Variants in ASIC2 observed in about 807,000 individuals in gnomAD.
The protein encoded by ASIC2 is acid-sensing ion channel 2.
In ASIC2, 25 loss-of-function variants were observed where a neutral mutation model predicts 57.3. The observed-to-expected ratio is 0.44, with a 90% CI of 0.32 to 0.61. The LOEUF is 0.61. ASIC2 is among the 20% of genes least tolerant of loss of function. ASIC2 has a pLI of 0.06. For missense variants in ASIC2, 641 were observed against 738.1 expected (o/e 0.87, Z 1.52); for synonymous variants, 319 against 307.5 (o/e 1.04, Z -0.39).
At chr17:33,969,447 A>T (rs2141997190) in intron 1 of ASIC2, among the ~76,000 whole-genome samples, 1 of 152,300 alleles carries the variant, frequency 6.6e-6, no homozygotes, top group Admixed American at 6.5e-5. Context: ...GGGCTGTCTC[A>T]CAAGCAGGCT....
chr17:33,527,132 C>T (rs925159327), intron 1 of ASIC2, among the ~76,000 whole-genome samples: 7 of 152,210 alleles, frequency 4.6e-5, no homozygotes, highest in African/African-American at 1.7e-4. Flanking sequence ...CATGTGGATG[C>T]CTGGTGCAGG....
rs938183932 is a variant in ASIC2, at chr17:33,244,449, A to C, written c.708+46959T>G. On this transcript the variant is annotated intron_variant, in intron 1 of 9. Coordinates refer to ENST00000225823, the MANE Select transcript of ASIC2 (RefSeq NM_183377.2). ...ACTGTTTACGTGAGCCAACACATAA[A>C]ATGCTTAGCAAAGTGCCTAGAATAA... Among the ~76,000 whole-genome samples, 3 of 152,204 alleles carry C rather than the reference A, an allele frequency of 2.0e-5. No individual in the cohort carries two copies. The East Asian group carries it at 5.8e-4, about 29-fold the overall frequency.
At chr17:33,669,940 G>A (rs1297653685) in intron 1 of ASIC2, among the ~76,000 whole-genome samples, 2 of 152,218 alleles carry the variant, frequency 1.3e-5, no homozygotes, top group Non-Finnish European at 2.9e-5. Flanking sequence ...GAAAAAGGGA[G>A]AGGCTGAAAA....
chr17:33,812,153 GCTT>G (rs903026132), intron 1 of ASIC2, among the ~76,000 whole-genome samples: 1 of 151,992 alleles, frequency 6.6e-6, no homozygotes, highest in Admixed American at 6.6e-5. Context: ...AGTATCTAGT[GCTT>G]CTTCTGCCTC....
At chr17:33,423,366 C>T (rs8075266) in intron 1 of ASIC2, among the ~76,000 whole-genome samples, 53,533 of 151,902 alleles carry the variant, frequency 0.35, 10,071 homozygotes, top group East Asian at 0.75. Flanking sequence ...GAACTACAGG[C>T]TGTGATTAAT....
chr17:33,737,630 G>T (rs1322497951), intron 1 of ASIC2, among the ~76,000 whole-genome samples: 1 of 152,322 alleles, frequency 6.6e-6, no homozygotes, highest in African/African-American at 2.4e-5. Flanking sequence ...GGGTTGTGAG[G>T]ATTAAGAGAG....
intron 1 of ASIC2, among the ~76,000 whole-genome samples, chr17:33,139,792 CA>C (rs532131429): frequency 1.5e-4 from 23 of 152,284 alleles, no homozygotes; most frequent in Non-Finnish European, 3.1e-4. Flanking sequence ...CCCGGAGAGA[CA>C]AGATTGCAAG....
At chr17:33,048,983 G>C (rs1025456285) in intron 3 of ASIC2, among the ~76,000 whole-genome samples, 10 of 152,228 alleles carry the variant, frequency 6.6e-5, no homozygotes, top group Non-Finnish European at 1.3e-4. Context: ...AGTGACATCA[G>C]TGTCCACACA....
At chr17:33,699,272 C>T (rs906863055) in intron 1 of ASIC2, among the ~76,000 whole-genome samples, 2 of 152,180 alleles carry the variant, frequency 1.3e-5, no homozygotes, top group Admixed American at 6.5e-5. Context: ...CCCAGAATCA[C>T]GTGGCCCATC....
At chr17:33,839,227 G>T (rs1913356880) in intron 1 of ASIC2, among the ~76,000 whole-genome samples, 1 of 152,146 alleles carries the variant, frequency 6.6e-6, no homozygotes. Context: ...TGCTCCAGAA[G>T]CAATCAAGAC....
chr17:33,984,658 C>T (rs1284088051), intron 1 of ASIC2, among the ~76,000 whole-genome samples: 1 of 152,210 alleles, frequency 6.6e-6, no homozygotes, highest in African/African-American at 2.4e-5. Context: ...TGCCTTTGCA[C>T]TGCATGAGTC....
rs575747045 is a variant in ASIC2 at position 33,786,202 on chromosome 17, C to T, written c.555+369776G>A. 5.9e-5 allele frequency among the ~76,000 whole-genome samples: 9 copies of T among 152,270 alleles called. No individual in the cohort carries two copies. In the East Asian group the frequency reaches 7.7e-4, roughly 13 times the overall value. ...TTGACTAACTGGCAGGTTCAAGGGC[C>T]ATAAATGTGACCCTGAAATAGAAGG... On this transcript the variant is annotated intron_variant, in intron 1 of 9. Transcript: ENST00000359872.
rs747941866 is a variant in ASIC2 at position 33,021,359 on chromosome 17, C to T, written c.1350-49G>A. The T allele has an allele frequency of 5.6e-6, 8 of 1,420,914 alleles. No individual in the cohort carries two copies. In the Admixed American group the frequency reaches 1.4e-4, roughly 25 times the overall value. The allele number at this position is 1,420,914 out of a possible 1,614,324, so 88.0% of individuals were successfully genotyped here. A position where few individuals can be genotyped will look rare whatever the true frequency, so the allele number is the denominator to read the frequency against. ...ATACATGGTTAGAGCTATCAGCATT[C>T]ACAGGGAGCATCTAATACAGCTTTC... On this transcript the variant is annotated intron_variant, in intron 6 of 9. Transcript: ENST00000225823.
At chr17:33,202,220 G>T (rs17248665) in intron 1 of ASIC2, among the ~76,000 whole-genome samples, 11 of 152,044 alleles carry the variant, frequency 7.2e-5, no homozygotes, top group Non-Finnish European at 1.5e-4. Flanking sequence ...ATGCGGATGG[G>T]CTCCACAGCG....
intron 1 of ASIC2, among the ~76,000 whole-genome samples, chr17:33,147,900 C>A (rs1219962856): frequency 6.6e-6 from 1 of 152,204 alleles, no homozygotes; most frequent in Non-Finnish European, 1.5e-5. Flanking sequence ...TCATCACAGA[C>A]TGGAGGACCG....
At chr17:33,167,151 A>T (rs1905335555) in intron 1 of ASIC2, among the ~76,000 whole-genome samples, 1 of 151,976 alleles carries the variant, frequency 6.6e-6, no homozygotes, top group Admixed American at 6.6e-5. Flanking sequence ...AACACATGAC[A>T]CTCAACATGT....
chr17:33,185,031 C>G (rs912218108), intron 1 of ASIC2, among the ~76,000 whole-genome samples: 17 of 152,168 alleles, frequency 1.1e-4, no homozygotes, highest in Non-Finnish European at 2.1e-4. Context: ...AAGATCTACT[C>G]AATTCTAGTC....
intron 1 of ASIC2, among the ~76,000 whole-genome samples, chr17:33,737,258 A>G (rs1362669527): frequency 6.6e-6 from 1 of 152,256 alleles, no homozygotes; most frequent in Non-Finnish European, 1.5e-5. Flanking sequence ...CATTTTAATC[A>G]TCAGTCTCAT....
intron 1 of ASIC2, among the ~76,000 whole-genome samples, chr17:33,486,184 G>A (rs2141930551): frequency 6.6e-6 from 1 of 152,326 alleles, no homozygotes; most frequent in African/African-American, 2.4e-5. Context: ...TAATAAAGAT[G>A]ATGGTTGACA....
Sources: allele counts gnomAD v4.1 joint callset (sites outside exome capture counted in the v4.1 genomes callset), GRCh38; gene constraint gnomAD v4.1.1; transcripts MANE v1.5; gene names NCBI Gene and HGNC (gene_info 2026-07-23, HGNC 2026-07-21).